ATXN10: variants seen among roughly 807,000 people sequenced by gnomAD.
ATXN10 encodes ataxin-10.
In ATXN10, 28 loss-of-function variants were observed where a neutral mutation model predicts 52.9. The observed-to-expected ratio is 0.53, with a 90% CI of 0.39 to 0.73. The LOEUF (loss-of-function observed/expected upper bound fraction) is 0.73. Ranked by LOEUF, ATXN10 falls within the 30% of genes least tolerant of loss-of-function variation. The pLI, the probability that ATXN10 is intolerant of heterozygous loss-of-function variation, is 0.00. For missense variants in ATXN10, 565 were observed against 577.0 expected (o/e 0.98, Z 0.21); for synonymous variants, 226 against 221.5 (o/e 1.02, Z -0.18).
In ATXN10 at chr22:45,696,702, C is replaced by T. The variant is rs1923621209; in HGVS notation, c.392-3580C>T. 6.6e-6 allele frequency among the ~76,000 whole-genome samples: 1 copy of T among 152,146 alleles called. No individual in the cohort carries two copies. ...CCATGTCCCCGTCAGTCCAGTATCTCGTTTTTCTGCTCTATCCCAAATGTG... is the reference window on the plus strand; with the variant it reads ...CCATGTCCCCGTCAGTCCAGTATCTTGTTTTTCTGCTCTATCCCAAATGTG... On this transcript the variant is annotated intron_variant, in intron 3 of 11. Coordinates refer to ENST00000252934, the MANE Select transcript of ATXN10 (RefSeq NM_013236.4). The surrounding 1 kb of genome is among the most constrained non-coding windows in gnomAD (Gnocchi z 4.7).
Position 45,688,313 on chromosome 22 carries a change from C to G in ATXN10, c.117-1399C>G, listed in dbSNP as rs1201989455. ...TTTCCCAGTTTTTAATTAATTTATA[C>G]TCTGCCTCTTTCAAAACCAAGTTTG... On this transcript the variant is annotated intron_variant, in intron 1 of 11. Coordinates refer to ENST00000252934, the MANE Select transcript of ATXN10 (RefSeq NM_013236.4). This position sits in a 1 kb window ranked among gnomAD's most constrained non-coding sequence, Gnocchi z 4.0. Among the ~76,000 whole-genome samples the G allele has an allele frequency of 6.6e-6, 1 of 152,000 alleles. No homozygotes were observed. Among genetic ancestry groups the G allele is most frequent in the African/African-American group, 2.4e-5 (1 of 41,366 alleles).
rs1164820372 is a variant in ATXN10 at position 45,845,175 on chromosome 22, A to G, written c.*1504A>G. 6.6e-6 allele frequency: 1 copy of G among 152,228 alleles called. No individual in the cohort carries two copies. Among genetic ancestry groups the G allele is most frequent in the Non-Finnish European group, 1.5e-5 (1 of 68,036 alleles). 9.4% of individuals were successfully genotyped at this position (152,228 alleles called of 1,614,324 possible). A position where few individuals can be genotyped will look rare whatever the true frequency, so the allele number is the denominator to read the frequency against. On this transcript the variant is annotated 3_prime_UTR_variant, in exon 12 of 12. Transcript: ENST00000252934. This position sits in a 1 kb window ranked among gnomAD's most constrained non-coding sequence, Gnocchi z 4.7. ...GTGGGAGTCCCTTTTCCCTTTTAAC[A>G]AGTTTGCAATAGACACTTCTTTTTT...
At chr22:45,730,836 A>T (rs985057433) in intron 7 of ATXN10, among the ~76,000 whole-genome samples, 1 of 152,202 alleles carries the variant, frequency 6.6e-6, no homozygotes, top group Non-Finnish European at 1.5e-5. Flanking sequence ...CTAGGACATA[A>T]TCTTAGAAGT....
At chr22:45,749,416 C>T (rs568332605) in intron 9 of ATXN10, among the ~76,000 whole-genome samples, 33 of 152,292 alleles carry the variant, frequency 2.2e-4, no homozygotes, top group African/African-American at 7.7e-4. Flanking sequence ...GAGACTGGTC[C>T]TTTGAAATCT....
At chr22:45,799,406 G>A (rs2146876859) in intron 9 of ATXN10, among the ~76,000 whole-genome samples, 1 of 152,274 alleles carries the variant, frequency 6.6e-6, no homozygotes, top group South Asian at 2.1e-4. Flanking sequence ...CATTGCCAAT[G>A]TAATTACTTA....
At chr22:45,704,322 A>C (rs1052323929) in intron 5 of ATXN10, among the ~76,000 whole-genome samples, 14 of 151,736 alleles carry the variant, frequency 9.2e-5, no homozygotes, top group Admixed American at 2.0e-4. Context: ...AAAAAAAAAA[A>C]CAGCTGGAAT....
intron 4 of ATXN10, among the ~76,000 whole-genome samples, chr22:45,702,124 T>C (rs563558115): frequency 3.3e-5 from 5 of 152,150 alleles, no homozygotes; most frequent in Non-Finnish European, 7.4e-5. Context: ...AAGAGTATTA[T>C]GAAGTTTAAA....
In ATXN10 at chr22:45,763,921, C is replaced by T. The variant is rs1926488617; in HGVS notation, c.1173+23383C>T. Among the ~76,000 whole-genome samples the T allele has an allele frequency of 6.6e-6, 1 of 151,398 alleles. No individual in the cohort carries two copies. Among genetic ancestry groups the T allele is most frequent in the Admixed American group, 6.6e-5 (1 of 15,184 alleles). Reference sequence around the variant, plus strand: ...TACCCCCACCTCCCCCAGTGTCTTCCAGGCCCCCTTCTTATCTAAGGCTGC... The same window carrying T: ...TACCCCCACCTCCCCCAGTGTCTTCTAGGCCCCCTTCTTATCTAAGGCTGC... On this transcript the variant is annotated intron_variant, in intron 9 of 11. Transcript: ENST00000252934. This position sits in a 1 kb window ranked among gnomAD's most constrained non-coding sequence, Gnocchi z 6.9.
chr22:45,711,344 C>T (rs780255455), intron 5 of ATXN10, among the ~76,000 whole-genome samples: 2 of 151,768 alleles, frequency 1.3e-5, no homozygotes, highest in Non-Finnish European at 2.9e-5. Flanking sequence ...AAATGGAGAA[C>T]GGATTAGTGG....
At position 45,823,944 on chromosome 22, in the gene ATXN10, G is replaced by T. The variant is rs1045918056; in HGVS notation, c.1237+16922G>T. ...GCATCTTGTGACGTGCCCTTGCTGG[G>T]TCTGTCGCTTGTACTTTTTTGTGAG... On this transcript the variant is annotated intron_variant, in intron 10 of 11. Coordinates refer to ENST00000252934, the MANE Select transcript of ATXN10 (RefSeq NM_013236.4). This position sits in a 1 kb window ranked among gnomAD's most constrained non-coding sequence, Gnocchi z 4.9. Among the ~76,000 whole-genome samples, 2 of 152,204 alleles carry T rather than the reference G, an allele frequency of 1.3e-5. No individual in the cohort carries two copies. Among genetic ancestry groups the T allele is most frequent in the Non-Finnish European group, 2.9e-5 (2 of 68,048 alleles).
chr22:45,719,794 C>G (rs773524793), intron 6 of ATXN10, among the ~76,000 whole-genome samples: 3 of 152,122 alleles, frequency 2.0e-5, no homozygotes, highest in Non-Finnish European at 4.4e-5. Flanking sequence ...CCTCTTGCCC[C>G]TGCTTTATTT....
At chr22:45,748,988 A>G (rs1925843116) in intron 9 of ATXN10, among the ~76,000 whole-genome samples, 1 of 152,234 alleles carries the variant, frequency 6.6e-6, no homozygotes, top group Admixed American at 6.5e-5. Context: ...CTTGTTCTAC[A>G]ATAATTGACT....
rs1035689901 is a variant in ATXN10 at position 45,688,732 on chromosome 22, C to T, written c.117-980C>T. Among the ~76,000 whole-genome samples, 19 of 152,318 alleles carry T rather than the reference C, an allele frequency of 1.2e-4. No homozygotes were observed. The highest frequency in any genetic ancestry group is 6.8e-3 in the Middle Eastern group (2 of 294). ...CAATCCAAGGGTGAAAGGTAGGGCA[C>T]TGTGAATCTACAGCGAGAGCAGAAG... On this transcript the variant is annotated intron_variant, in intron 1 of 11. Transcript: ENST00000252934. This position sits in a 1 kb window ranked among gnomAD's most constrained non-coding sequence, Gnocchi z 4.0.
chr22:45,779,443 G>T (rs1927070366), intron 9 of ATXN10, among the ~76,000 whole-genome samples: 1 of 152,178 alleles, frequency 6.6e-6, no homozygotes, highest in Non-Finnish European at 1.5e-5. Context: ...AAGGAAGAGG[G>T]TTATGTTGGG....
In ATXN10 at chr22:45,700,505, TTGG is replaced by T. The variant is rs1422565925; in HGVS notation, c.488+131_488+133del. ...ATAGAGTTCAGGATAGTAGTTGTTC[TTGG>T]TGGGTGGGTACCAGCTGGGAGAGGG... is the stretch of plus-strand genomic sequence containing the variant. On this transcript the variant is annotated intron_variant, in intron 4 of 11. Transcript: ENST00000252934. The T allele has an allele frequency of 2.7e-5, 21 of 766,276 alleles. No homozygotes were observed. In the African/African-American group the frequency reaches 3.3e-4, roughly 12 times the overall value. 47.5% of individuals were successfully genotyped at this position (766,276 alleles called of 1,614,324 possible).
intron 1 of ATXN10, chr22:45,674,679 G>C (rs984421038): frequency 6.6e-6 from 1 of 152,256 alleles, no homozygotes; most frequent in African/African-American, 2.4e-5. Flanking sequence ...GAAGGTGGAC[G>C]AGACAAAAAG....
rs995316915 is a variant in ATXN10 at position 45,689,525 on chromosome 22, C to G, written c.117-187C>G. On this transcript the variant is annotated intron_variant, in intron 1 of 11. Coordinates refer to ENST00000252934, the MANE Select transcript of ATXN10 (RefSeq NM_013236.4). ...GATAATACATGAGAAGTGACAAGAA[C>G]AGTGTCTGGTGCATAGTAAGTGCTC... The G allele has an allele frequency of 3.2e-5, 20 of 617,272 alleles. No individual in the cohort carries two copies. The African/African-American group carries it at 3.3e-4, about 10-fold the overall frequency. 38.2% of individuals were successfully genotyped at this position (617,272 alleles called of 1,614,324 possible).
chr22:45,827,664 G>GA (rs1221680848), intron 10 of ATXN10, among the ~76,000 whole-genome samples: 1 of 151,908 alleles, frequency 6.6e-6, no homozygotes, highest in Admixed American at 6.6e-5. Flanking sequence ...ACTGAAGGAA[G>GA]AAATAGTTCT....
At chr22:45,731,999 A>G (rs1051391846) in intron 7 of ATXN10, among the ~76,000 whole-genome samples, 2 of 152,264 alleles carry the variant, frequency 1.3e-5, no homozygotes, top group Non-Finnish European at 2.9e-5. Context: ...AAGACAGATC[A>G]CAGCTTTAAA....
Sources: allele counts gnomAD v4.1 joint callset (sites outside exome capture counted in the v4.1 genomes callset), GRCh38; gene constraint gnomAD v4.1.1; non-coding constraint Gnocchi (gnomAD v3.1); transcripts MANE v1.5; gene names NCBI Gene and HGNC (gene_info 2026-07-23, HGNC 2026-07-21).